BUD13: variants seen among roughly 807,000 people sequenced by gnomAD.
BUD13 encodes BUD13 spliceosome associated protein, also known as BUD13 homolog.
Under a neutral mutation model 62.5 loss-of-function variants are expected in BUD13, and 47 were observed. The observed-to-expected ratio is 0.75, with a 90% CI of 0.60 to 0.96. The LOEUF (loss-of-function observed/expected upper bound fraction) is 0.96. Among genes scored for constraint, BUD13 ranks in the 40% least tolerant of loss-of-function variants. BUD13 has a pLI of 0.00. For missense variants in BUD13, 821 were observed against 790.9 expected, an observed-to-expected ratio of 1.04 and a Z score of -0.46; for synonymous variants, 293 against 280.1, an observed-to-expected ratio of 1.05 and a Z score of -0.46.
chr11:116,757,795 T>A lies in BUD13; in HGVS notation c.1655A>T (p.Asn552Ile). The change falls in exon 8 of 10, where the codon AAT becomes ATT. Residue 552 changes from asparagine (N) to isoleucine (I), a missense_variant. This residue lies in a region of BUD13 where 800 missense variants were observed against 739.2 expected (regional missense o/e 1.08). Coordinates refer to ENST00000260210, the MANE Select transcript of BUD13 (RefSeq NM_032725.4). ...TTTATTCTTGTTCTCCTTGGCCTTATTCTTCTTGATGAAGTTGGCCATAGG... is the reference window on the plus strand; with the variant it reads ...TTTATTCTTGTTCTCCTTGGCCTTAATCTTCTTGATGAAGTTGGCCATAGG... ...GDPMANFIKKNKAKENKNKKV... is the reference protein window; with the variant it reads ...GDPMANFIKKIKAKENKNKKV... 1 of 1,613,710 alleles carries A rather than the reference T, an allele frequency of 6.2e-7. No individual in the cohort carries two copies. The highest frequency in any genetic ancestry group is 8.5e-7 in the Non-Finnish European group (1 of 1,179,882).
chr11:116,762,493 C>T (rs1303020241), intron 4 of BUD13, 60 bp downstream of exon 4: 8 of 1,359,778 alleles, frequency 5.9e-6, no homozygotes, highest in African/African-American at 2.9e-5. Context: ...ATCAACTAAA[C>T]GGCCAAAAGA....
At position 116,755,837 on chromosome 11, in the gene BUD13, G is replaced by A. The variant is rs543232540; in HGVS notation, c.1766+1309C>T. 2.0e-5 allele frequency among the ~76,000 whole-genome samples: 3 copies of A among 151,954 alleles called. No homozygotes were observed. The South Asian group carries it at 6.3e-4, about 32-fold the overall frequency. ...ATGAATAAATACTTTTTAAATGTCT[G>A]AGTTTTAATTTATAATATGGTAAAT... On this transcript the variant is annotated intron_variant, in intron 9 of 9. Transcript: ENST00000260210.
intron 2 of BUD13, among the ~76,000 whole-genome samples, chr11:116,766,381 C>A (rs1274035584): frequency 2.0e-5 from 3 of 152,246 alleles, no homozygotes; most frequent in Non-Finnish European, 4.4e-5. Flanking sequence ...CACAAGCTAA[C>A]AAGTGGCAGA....
At chr11:116,770,108 G>C in intron 2 of BUD13, 21 bp downstream of exon 2, 2 of 1,496,460 alleles carry the variant, frequency 1.3e-6, no homozygotes, top group South Asian at 2.4e-5. Flanking sequence ...TCAAAATCCT[G>C]ACAGCCCCAA....
At chr11:116,751,625 C>T (rs1407643407) in intron 9 of BUD13, among the ~76,000 whole-genome samples, 8 of 151,278 alleles carry the variant, frequency 5.3e-5, no homozygotes, top group African/African-American at 1.2e-4. Flanking sequence ...AGCGAAATTC[C>T]GTCTCAAAAA....
At position 116,760,799 on chromosome 11, in the gene BUD13, T is replaced by G; in HGVS notation, c.1190A>C (p.Gln397Pro). 6.2e-7 allele frequency: 1 copy of G among 1,614,190 alleles called. No individual in the cohort carries two copies. The highest frequency in any genetic ancestry group is 2.2e-5 in the East Asian group (1 of 44,880). ...GTCAGAATCAGAAGATTTGGTCCTC[T>G]GTCTCCTCCTTGGTGGAGAGAGGTC... ...DSDLSPPRRR[Q>P]RTKSSDSDLS... The change falls in exon 5 of 10, where the codon CAG becomes CCG. Residue 397 changes from glutamine to proline, a missense_variant. Around this residue, in one of 2 missense-constraint regions of BUD13, gnomAD observed 800 missense variants for 739.2 expected, o/e 1.08. Transcript: ENST00000260210.
chr11:116,758,067 T>C, intron 7 of BUD13, 117 bp from the exon 8 acceptor site: 1 of 1,432,406 alleles, frequency 7.0e-7, no homozygotes, highest in East Asian at 2.3e-5. Context: ...CTAGGGCAAA[T>C]ACTGAGCAGG....
At chr11:116,751,461 TC>T (rs1436506476) in intron 9 of BUD13, among the ~76,000 whole-genome samples, 2 of 151,786 alleles carry the variant, frequency 1.3e-5, no homozygotes, top group Non-Finnish European at 2.9e-5. Context: ...AAACCCTGTC[TC>T]TACTAAAAAT....
At chr11:116,770,653 C>T (rs1940611245) in intron 1 of BUD13, among the ~76,000 whole-genome samples, 1 of 152,132 alleles carries the variant, frequency 6.6e-6, no homozygotes, top group Non-Finnish European at 1.5e-5. Flanking sequence ...CACTGCCACG[C>T]CTGGCTAATT....
At chr11:116,766,878 A>G (rs1940538837) in intron 2 of BUD13, among the ~76,000 whole-genome samples, 1 of 152,214 alleles carries the variant, frequency 6.6e-6, no homozygotes, top group South Asian at 2.1e-4. Flanking sequence ...GGCCATCATA[A>G]AAGCAAGACA....
At chr11:116,761,233 G>A (rs886198909) in intron 4 of BUD13, among the ~76,000 whole-genome samples, 2 of 151,966 alleles carry the variant, frequency 1.3e-5, no homozygotes, top group Non-Finnish European at 2.9e-5. Flanking sequence ...TGTGTTTTTA[G>A]TAGAGATGGG....
intron 5 of BUD13, 127 bp from the exon 6 acceptor site, chr11:116,759,306 A>G: frequency 1.6e-6 from 1 of 616,046 alleles, no homozygotes; most frequent in Admixed American, 2.8e-5. Context: ...CTAGCTTTAT[A>G]TTCTCAATAA....
chr11:116,770,791 G>A (rs2134186787), intron 1 of BUD13, among the ~76,000 whole-genome samples: 1 of 148,134 alleles, frequency 6.8e-6, no homozygotes, highest in South Asian at 2.1e-4. Flanking sequence ...ACCGCGCCCG[G>A]CCCTAGTCTT....
chr11:116,759,221 T>C, intron 5 of BUD13, 42 bp from the exon 6 acceptor site: 2 of 1,432,692 alleles, frequency 1.4e-6, no homozygotes, highest in Non-Finnish European at 2.0e-6. Context: ...AATGAGATGA[T>C]GTGACAGTAG....
chr11:116,752,671 T>C (rs1248209246), intron 9 of BUD13, among the ~76,000 whole-genome samples: 1 of 152,160 alleles, frequency 6.6e-6, no homozygotes. Context: ...CCAAAAAGCC[T>C]ACATACAGTG....
intron 8 of BUD13, 29 bp from the exon 9 acceptor site, chr11:116,757,256 C>T: frequency 6.3e-7 from 1 of 1,576,092 alleles, no homozygotes; most frequent in South Asian, 1.1e-5. Flanking sequence ...AAAAAGTATT[C>T]AGTTAATGAC....
intron 2 of BUD13, among the ~76,000 whole-genome samples, chr11:116,769,895 T>TA (rs879368085): frequency 2.7e-4 from 39 of 144,620 alleles, no homozygotes; most frequent in African/African-American, 4.0e-4. Flanking sequence ...CTACAAAAAT[T>TA]AAAAAAAAAA....
In BUD13 at chr11:116,762,983, G is replaced by A; in HGVS notation, c.606C>T (p.Pro202=). The A allele has an allele frequency of 6.2e-7, 1 of 1,613,594 alleles. No homozygotes were observed. Among genetic ancestry groups the A allele is most frequent in the Non-Finnish European group, 8.5e-7 (1 of 1,179,838 alleles). ...AAGAATTATGCTGAGGCCTCCTTGG[G>A]GGAGAAGGATCTGGAGAATCATGAC... is the stretch of plus-strand genomic sequence containing the variant. ...RARHDSPDPS[P]PRRPQHNSSG... Residue 202 remains proline (P), a synonymous_variant, in exon 4 of 10, where the codon CCC becomes CCT. Coordinates refer to ENST00000260210, the MANE Select transcript of BUD13 (RefSeq NM_032725.4).
chr11:116,763,228 G>A lies in BUD13; in HGVS notation c.361C>T (p.His121Tyr), dbSNP rs1940471679. The change falls in exon 4 of 10, where the codon CAC becomes TAC. Residue 121 changes from histidine (H) to tyrosine (Y), a missense_variant. By Grantham distance (83) the His-to-Tyr change is moderately conservative (BLOSUM62 2). Transcript: ENST00000260210. ...CTAGGAGATGAATCCGGGGTATCGTGACGAAAATGTCTGTTTGAGGGTAGG... is the reference window on the plus strand; with the variant it reads ...CTAGGAGATGAATCCGGGGTATCGTAACGAAAATGTCTGTTTGAGGGTAGG... ...EDLPSNRHFR[H>Y]DTPDSSPRRV... 4.5e-6 allele frequency: 7 copies of A among 1,551,348 alleles called. No homozygotes were observed. Among genetic ancestry groups the A allele is most frequent in the Non-Finnish European group, 6.1e-6 (7 of 1,149,584 alleles).
Sources: gnomAD v4.1 joint callset for allele counts (sites outside exome capture counted in the v4.1 genomes callset) on GRCh38, gnomAD v4.1.1 for gene constraint, gnomAD v4.1.1 regional missense constraint, MANE v1.5 for transcripts, NCBI Gene and HGNC (gene_info 2026-07-23, HGNC 2026-07-21) for gene names.